HSPG2: variants seen among roughly 807,000 people sequenced by gnomAD.
HSPG2 encodes the protein basement membrane-specific heparan sulfate proteoglycan core protein.
Under a neutral mutation model 526.6 loss-of-function variants are expected in HSPG2, and 278 were observed. The ratio of observed to expected loss-of-function variants is 0.53; its 90% CI spans 0.48 to 0.58. HSPG2 has a LOEUF of 0.58. Ranked by LOEUF, HSPG2 falls within the 20% of genes least tolerant of loss-of-function variation. The probability of loss-of-function intolerance (pLI) is 0.00; values close to 1 mark genes in which losing one functional copy is unlikely to be tolerated. For synonymous variants in HSPG2, 2,465 were observed against 2,555.4 expected, an observed-to-expected ratio of 0.96 and a Z score of 1.07; for missense variants, 5,354 against 6,099.5, an observed-to-expected ratio of 0.88 and a Z score of 4.07.
Position 21,833,912 on chromosome 1 carries a change from G to A in HSPG2, c.10734C>T (p.Ile3578=). The A allele has an allele frequency of 1.9e-6, 3 of 1,589,004 alleles. No homozygotes were observed. The highest frequency in any genetic ancestry group is 2.6e-6 in the Non-Finnish European group (3 of 1,167,236). ...VLLLVQALPQ[I]SMPQEVRVPA... ...GCACACGGACTTCTTGGGGCATTGA[G>A]ATCTGGGGCAAGGCTGAGAGGCATG... The change falls in exon 78 of 97, where the codon ATC becomes ATT. Residue 3578 remains isoleucine, a synonymous_variant. Coordinates refer to ENST00000374695, the MANE Select transcript of HSPG2 (RefSeq NM_005529.7).
chr1:21,913,927 G>A (rs1332520394), intron 1 of HSPG2, among the ~76,000 whole-genome samples: 1 of 152,222 alleles, frequency 6.6e-6, no homozygotes, highest in Non-Finnish European at 1.5e-5. Context: ...GCACTGCAGT[G>A]CCTTCCGCCC....
Position 21,904,320 on chromosome 1 carries a change from A to G in HSPG2, c.64-8010T>C, listed in dbSNP as rs1223932251. Among the ~76,000 whole-genome samples, 3 of 152,096 alleles carry G rather than the reference A, an allele frequency of 2.0e-5. No homozygotes were observed. Among genetic ancestry groups the G allele is most frequent in the African/African-American group, 7.2e-5 (3 of 41,404 alleles). On this transcript the variant is annotated intron_variant, in intron 1 of 96. Coordinates refer to ENST00000374695, the MANE Select transcript of HSPG2 (RefSeq NM_005529.7). The surrounding 1 kb of genome is among the most constrained non-coding windows in gnomAD (Gnocchi z 4.4). ...GCAGAGAAGGGGAAGAGTGCGGACC[A>G]GGTGGAGGGAAGGGCACACGCTGAG...
In HSPG2 at chr1:21,823,197, C is replaced by T; in HGVS notation, c.*119G>A. Reference sequence around the variant, plus strand: ...CCTCCAGTCCAGCCCAGGGCGGTAGCAGCAAAGCGTGGCATCGCCTCGGTT... The same window carrying T: ...CCTCCAGTCCAGCCCAGGGCGGTAGTAGCAAAGCGTGGCATCGCCTCGGTT... On this transcript the variant is annotated 3_prime_UTR_variant, in exon 97 of 97. Transcript: ENST00000374695. The T allele has an allele frequency of 2.0e-6, 2 of 1,004,316 alleles. No individual in the cohort carries two copies. The highest frequency in any genetic ancestry group is 2.7e-6 in the Non-Finnish European group (2 of 727,686). The allele number at this position is 1,004,316 out of a possible 1,614,324, so 62.2% of individuals were successfully genotyped here. A position where few individuals can be genotyped will look rare whatever the true frequency, so the allele number is the denominator to read the frequency against.
At position 21,838,820 on chromosome 1, in the gene HSPG2, C is replaced by T; in HGVS notation, c.10150+5G>A. 1 of 1,611,656 alleles carries T rather than the reference C, an allele frequency of 6.2e-7. No homozygotes were observed. Among genetic ancestry groups the T allele is most frequent in the East Asian group, 2.2e-5 (1 of 44,846 alleles). ...CCCCTTCCACGCAGAGCCGGGGCTG[C>T]TTACCTTGGACGAGCAGCTGGGCAA... On this transcript the variant is annotated splice_donor_5th_base_variant and intron_variant, in intron 74 of 96. Transcript: ENST00000374695.
Position 21,900,650 on chromosome 1 carries a change from G to A in HSPG2, c.64-4340C>T, listed in dbSNP as rs182623790. 1.3e-3 allele frequency among the ~76,000 whole-genome samples: 203 copies of A among 152,230 alleles called. 2 individuals are homozygous for A. Among genetic ancestry groups the A allele is most frequent in the African/African-American group, 4.5e-3 (189 of 41,546 alleles). ...AAGGAGGGAGAGGTACAGATACGGA[G>A]AGCAGGTACAGATCACTTGAGGCCA... On this transcript the variant is annotated intron_variant, in intron 1 of 96. Coordinates refer to ENST00000374695, the MANE Select transcript of HSPG2 (RefSeq NM_005529.7).
chr1:21,843,398 G>C lies in HSPG2; in HGVS notation c.8657C>G (p.Ala2886Gly), dbSNP rs1398316612. ...PLLRLNQVSP[A>G]DSGEYSCQVT... ...TTGGCACGAGTACTCGCCAGAGTCAGCCGGGGACACCTGGTTCAGCCTCAG... is the reference window on the plus strand; with the variant it reads ...TTGGCACGAGTACTCGCCAGAGTCACCCGGGGACACCTGGTTCAGCCTCAG... The change falls in exon 66 of 97, where the codon GCT (alanine) becomes GGT (glycine). Residue 2886 changes from alanine to glycine, a missense_variant. Physicochemically the swap from Ala to Gly is moderately conservative, Grantham distance 60. Transcript: ENST00000374695. The C allele has an allele frequency of 6.2e-7, 1 of 1,613,780 alleles. No individual in the cohort carries two copies. The highest frequency in any genetic ancestry group is 8.5e-7 in the Non-Finnish European group (1 of 1,179,930).
In HSPG2 at chr1:21,824,883, G is replaced by T; in HGVS notation, c.12590-104C>A. ...TCCACGCCAACATGCAGGACTAGGG[G>T]GCTCCGAGCCTGCAGTCCCTGGGGA... is the stretch of plus-strand genomic sequence containing the variant. On this transcript the variant is annotated intron_variant, in intron 91 of 96. Transcript: ENST00000374695. This position sits in a 1 kb window ranked among gnomAD's most constrained non-coding sequence, Gnocchi z 5.9. 9.1e-7 allele frequency: 1 copy of T among 1,094,792 alleles called. No homozygotes were observed. Among genetic ancestry groups the T allele is most frequent in the Non-Finnish European group, 1.4e-6 (1 of 733,504 alleles). The allele number at this position is 1,094,792 out of a possible 1,614,324, so 67.8% of individuals were successfully genotyped here. A position where few individuals can be genotyped will look rare whatever the true frequency, so the allele number is the denominator to read the frequency against.
Position 21,842,065 on chromosome 1 carries a change from G to A in HSPG2, c.9130C>T (p.Leu3044Phe). ...QQGQDASFKC[L>F]IHDGAAPISL... ...ATGGGGGCTGCCCCGTCATGGATGA[G>A]GCACTTGAAGCTGGCATCCTGGCCC... Residue 3044 changes from leucine (L) to phenylalanine (F), a missense_variant, in exon 69 of 97, where the codon CTC becomes TTC. Transcript: ENST00000374695. 1 of 1,613,670 alleles carries A rather than the reference G, an allele frequency of 6.2e-7. No homozygotes were observed. The highest frequency in any genetic ancestry group is 1.3e-5 in the African/African-American group (1 of 75,074).
intron 53 of HSPG2, 42 bp from the exon 54 acceptor site, chr1:21,851,968 G>A: frequency 6.2e-7 from 1 of 1,607,002 alleles, no homozygotes; most frequent in Non-Finnish European, 8.5e-7. Context: ...GCTTCCCGGA[G>A]GCCAGCAAAT....
In HSPG2 at chr1:21,852,224, G is replaced by C. The variant is rs1317609913; in HGVS notation, c.6734C>G (p.Pro2245Arg). 1 of 1,614,070 alleles carries C rather than the reference G, an allele frequency of 6.2e-7. No homozygotes were observed. Among genetic ancestry groups the C allele is most frequent in the Admixed American group, 1.7e-5 (1 of 60,028 alleles). Residue 2245 changes from proline to arginine, a missense_variant, in exon 53 of 97, where the codon CCA (proline) becomes CGA (arginine). Coordinates refer to ENST00000374695, the MANE Select transcript of HSPG2 (RefSeq NM_005529.7). Reference sequence around the variant, plus strand: ...GGATGAAGACTCGATCCTGACAGGTGGGATGGGTCCTGCAGCAGTGGGGAT... The same window carrying C: ...GGATGAAGACTCGATCCTGACAGGTCGGATGGGTCCTGCAGCAGTGGGGAT... The part of the protein sequence containing the change: ...IEASVIPGPI[P>R]PVRIESSSST...
Position 21,832,596 on chromosome 1 carries a change from C to G in HSPG2, c.11106G>C (p.Leu3702=), listed in dbSNP as rs1451950441. The part of the protein sequence containing the change: ...FRPDSADGML[L]YNGQKRVPGS... ...CTGGGACTCGCTTCTGCCCATTGTA[C>G]AGCAGCATCCCTGGGTGGGCACCAC... The change falls in exon 81 of 97, where the codon CTG becomes CTC. Residue 3702 remains leucine, a synonymous_variant. Coordinates refer to ENST00000374695, the MANE Select transcript of HSPG2 (RefSeq NM_005529.7). 6.2e-7 allele frequency: 1 copy of G among 1,613,982 alleles called. No individual in the cohort carries two copies. Among genetic ancestry groups the G allele is most frequent in the East Asian group, 2.2e-5 (1 of 44,882 alleles).
chr1:21,915,691 G>A (rs183726888), intron 1 of HSPG2, among the ~76,000 whole-genome samples: 3 of 152,276 alleles, frequency 2.0e-5, no homozygotes, highest in Non-Finnish European at 4.4e-5. Context: ...TGGAAATGTT[G>A]CGTGCCTGCA....
rs1053052735 is a variant in HSPG2, at chr1:21,905,199, ACAC to A, written c.64-8892_64-8890del. Among the ~76,000 whole-genome samples the A allele has an allele frequency of 3.4e-5, 5 of 147,144 alleles. No homozygotes were observed. In the East Asian group the frequency reaches 8.0e-4, roughly 24 times the overall value. ...CACACACACACACACACACACACAC[ACAC>A]AATCATGGTCAACCAGGTTCTATGT... On this transcript the variant is annotated intron_variant, in intron 1 of 96. Coordinates refer to ENST00000374695, the MANE Select transcript of HSPG2 (RefSeq NM_005529.7).
Position 21,839,094 on chromosome 1 carries a change from G to C in HSPG2, c.9890-9C>G. The C allele has an allele frequency of 6.4e-7, 1 of 1,574,272 alleles. No individual in the cohort carries two copies. The highest frequency in any genetic ancestry group is 8.7e-7 in the Non-Finnish European group (1 of 1,155,644). On this transcript the variant is annotated splice_polypyrimidine_tract_variant and intron_variant, in intron 73 of 96. Coordinates refer to ENST00000374695, the MANE Select transcript of HSPG2 (RefSeq NM_005529.7). This position sits in a 1 kb window ranked among gnomAD's most constrained non-coding sequence, Gnocchi z 4.5. ...GGTGGCATATGGTGGGCCTGAGTGG[G>C]GGGACACAGAGGTCAGGATTGGGGA...
intron 75 of HSPG2, 148 bp downstream of exon 75, chr1:21,836,654 C>A (rs1367206728): frequency 1.4e-6 from 1 of 729,798 alleles, no homozygotes; most frequent in African/African-American, 1.7e-5. Context: ...CACTGTACAG[C>A]TGAGAACACT....
chr1:21,854,345 TG>T lies in HSPG2; in HGVS notation c.6289-3del. On this transcript the variant is annotated splice_region_variant and splice_polypyrimidine_tract_variant and intron_variant, in intron 49 of 96. Coordinates refer to ENST00000374695, the MANE Select transcript of HSPG2 (RefSeq NM_005529.7). ...GAGCCGCAGACGGGAGCCGTGCACC[TG>T]GGCCAGGAGGAGCCAGAGGTACGTG... 6.4e-7 allele frequency: 1 copy of T among 1,566,114 alleles called. No individual in the cohort carries two copies.
rs1322561405 is a variant in HSPG2 at position 21,859,951 on chromosome 1, G to A, written c.5066C>T (p.Pro1689Leu). The A allele has an allele frequency of 1.9e-6, 3 of 1,610,878 alleles. No homozygotes were observed. The highest frequency in any genetic ancestry group is 2.5e-6 in the Non-Finnish European group (3 of 1,179,482). The change falls in exon 41 of 97, where the codon CCC (proline) becomes CTC (leucine). Residue 1689 changes from proline to leucine, a missense_variant. Transcript: ENST00000374695. The surrounding 1 kb of genome is among the most constrained non-coding windows in gnomAD (Gnocchi z 5.3). ...VEVHPARSIV[P>L]QGGSHSLRCQ... ...CCGCAGGGAGTGGGAGCCACCTTGGGGCACTATGCTTCGAGCAGGATGGAC... is the reference window on the plus strand; with the variant it reads ...CCGCAGGGAGTGGGAGCCACCTTGGAGCACTATGCTTCGAGCAGGATGGAC...
In HSPG2 at chr1:21,824,431, C is replaced by G; in HGVS notation, c.12745-55G>C. 1.2e-6 allele frequency: 2 copies of G among 1,603,946 alleles called. No homozygotes were observed. Among genetic ancestry groups the G allele is most frequent in the Admixed American group, 3.3e-5 (2 of 60,016 alleles). Reference sequence around the variant, plus strand: ...CCCCAGCCTGGAGAGCAGAGGCTGCCGAGGCCAGGGGGCTCTGCTTTCCCC... The same window carrying G: ...CCCCAGCCTGGAGAGCAGAGGCTGCGGAGGCCAGGGGGCTCTGCTTTCCCC... On this transcript the variant is annotated intron_variant, in intron 93 of 96. Coordinates refer to ENST00000374695, the MANE Select transcript of HSPG2 (RefSeq NM_005529.7). This position sits in a 1 kb window ranked among gnomAD's most constrained non-coding sequence, Gnocchi z 5.9.
In HSPG2 at chr1:21,889,905, G is replaced by A. The variant is rs191661170; in HGVS notation, c.574+76C>T. On this transcript the variant is annotated intron_variant, in intron 6 of 96. Transcript: ENST00000374695. ...CTAGTGGTGTGCAAGCCCAAGTTGG[G>A]AGCCTATGGCAGAGACACTGAAAGG... is the stretch of plus-strand genomic sequence containing the variant. 2,631 of 1,493,808 alleles carry A rather than the reference G, an allele frequency of 1.8e-3. 9 individuals are homozygous for A. Among genetic ancestry groups the A allele is most frequent in the Non-Finnish European group, 2.2e-3 (2,337 of 1,070,510 alleles). 92.5% of individuals were successfully genotyped at this position (1,493,808 alleles called of 1,614,324 possible).
Sources: allele counts gnomAD v4.1 joint callset (sites outside exome capture counted in the v4.1 genomes callset), GRCh38; gene constraint gnomAD v4.1.1; non-coding constraint Gnocchi (gnomAD v3.1); transcripts MANE v1.5; gene names NCBI Gene and HGNC (gene_info 2026-07-23, HGNC 2026-07-21).